RALYL: variants seen among roughly 807,000 people sequenced by gnomAD.
RALYL encodes RNA-binding Raly-like protein.
RALYL carries 29 observed loss-of-function variants against 35.1 expected under a neutral mutation model. The ratio of observed to expected loss-of-function variants is 0.83; its 90% CI spans 0.61 to 1.13. The LOEUF (loss-of-function observed/expected upper bound fraction) is 1.13. Among genes scored for constraint, RALYL ranks in the 50% most tolerant of loss-of-function variants. The pLI, the probability that RALYL is intolerant of heterozygous loss-of-function variation, is 0.00. For missense variants in RALYL, 359 were observed against 360.4 expected (o/e 1.00, Z 0.03); for synonymous variants, 120 against 127.6 (o/e 0.94, Z 0.40).
At chr8:84,882,758 C>G (rs888384264) in intron 7 of RALYL, among the ~76,000 whole-genome samples, 4 of 151,874 alleles carry the variant, frequency 2.6e-5, no homozygotes, top group East Asian at 1.9e-4. Context: ...CACACTCACA[C>G]AATCACATTG....
At position 84,771,232 on chromosome 8, in the gene RALYL, G is replaced by C. The variant is rs558501410; in HGVS notation, c.257-3347G>C. The stretch of plus-strand genomic sequence containing the variant: ...TAATTCATTTTCTCTCTCTCTCTCT[G>C]TCTCTGTCATTTCTCTACTGTTGTA... On this transcript the variant is annotated intron_variant, in intron 2 of 8. Transcript: ENST00000521268. 5.3e-5 allele frequency among the ~76,000 whole-genome samples: 8 copies of C among 151,752 alleles called. No homozygotes were observed. In the South Asian group the frequency reaches 1.7e-3, roughly 32 times the overall value.
chr8:84,528,206 T>A (rs891614972), intron 1 of RALYL, among the ~76,000 whole-genome samples: 2 of 152,182 alleles, frequency 1.3e-5, no homozygotes, highest in African/African-American at 2.4e-5. Context: ...AATTAGCTAA[T>A]GTTCAACAAT....
At chr8:84,410,469 C>T (rs1044857734) in intron 1 of RALYL, among the ~76,000 whole-genome samples, 10 of 151,774 alleles carry the variant, frequency 6.6e-5, no homozygotes, top group Admixed American at 1.3e-4. Context: ...ACATAATAAG[C>T]GTAAGCTTTC....
At chr8:84,270,675 C>G (rs1364099744) in intron 1 of RALYL, among the ~76,000 whole-genome samples, 1 of 151,930 alleles carries the variant, frequency 6.6e-6, no homozygotes, top group Non-Finnish European at 1.5e-5. Context: ...AATATTTATA[C>G]TGCATGTTTT....
At chr8:84,328,969 G>T (rs73293011) in intron 1 of RALYL, among the ~76,000 whole-genome samples, 1 of 152,082 alleles carries the variant, frequency 6.6e-6, no homozygotes. Flanking sequence ...TGTATTCCAC[G>T]GTGTATGTGT....
chr8:84,439,181 G>T (rs2132906155), intron 1 of RALYL, among the ~76,000 whole-genome samples: 1 of 152,068 alleles, frequency 6.6e-6, no homozygotes, highest in Non-Finnish European at 1.5e-5. Context: ...TGGGCAGTAT[G>T]GTTGTTTTAG....
intron 3 of RALYL, among the ~76,000 whole-genome samples, chr8:84,803,385 T>C (rs1026086169): frequency 6.6e-6 from 1 of 152,200 alleles, no homozygotes; most frequent in Non-Finnish European, 1.5e-5. Flanking sequence ...ATAAAGCAAA[T>C]ATATCCAAAC....
chr8:84,529,172 T>A, intron 1 of RALYL, 127 bp from the exon 2 acceptor site: 4 of 882,486 alleles, frequency 4.5e-6, no homozygotes, highest in Admixed American at 2.9e-5. Flanking sequence ...AGAAAATCAT[T>A]AATACTTAGG....
intron 1 of RALYL, among the ~76,000 whole-genome samples, chr8:84,433,058 G>C (rs573736823): frequency 6.6e-6 from 1 of 152,080 alleles, no homozygotes; most frequent in Non-Finnish European, 1.5e-5. Flanking sequence ...GCTCAAAAGC[G>C]ATTGTTCCTA....
intron 4 of RALYL, among the ~76,000 whole-genome samples, chr8:84,833,709 C>T (rs1292473411): frequency 6.6e-6 from 1 of 150,462 alleles, no homozygotes. Flanking sequence ...TTGCAATTGA[C>T]AAAAACACTC....
chr8:84,797,147 T>C (rs760290783), intron 3 of RALYL, among the ~76,000 whole-genome samples: 2 of 152,210 alleles, frequency 1.3e-5, no homozygotes, highest in African/African-American at 2.4e-5. Context: ...TGCATCATAA[T>C]ATGGTGGAAA....
intron 8 of RALYL, among the ~76,000 whole-genome samples, chr8:84,911,062 T>C (rs1314829199): frequency 6.6e-6 from 1 of 152,078 alleles, no homozygotes; most frequent in East Asian, 1.9e-4. Context: ...ATATATTAGA[T>C]TGAAAAATTT....
intron 2 of RALYL, among the ~76,000 whole-genome samples, chr8:84,643,428 G>T (rs1826817858): frequency 6.6e-6 from 1 of 152,044 alleles, no homozygotes; most frequent in Non-Finnish European, 1.5e-5. Flanking sequence ...CACCAGAGAA[G>T]CATTGAAGGC....
At chr8:84,560,418 C>T (rs1214522482) in intron 2 of RALYL, among the ~76,000 whole-genome samples, 4 of 151,944 alleles carry the variant, frequency 2.6e-5, no homozygotes, top group Non-Finnish European at 5.9e-5. Context: ...ATGGGTATTT[C>T]TATAGATACC....
chr8:84,817,078 C>G (rs1323966491), intron 4 of RALYL, among the ~76,000 whole-genome samples: 1 of 152,160 alleles, frequency 6.6e-6, no homozygotes, highest in African/African-American at 2.4e-5. Flanking sequence ...TGCACGGGAT[C>G]TATTCTACTA....
At chr8:84,719,211 C>T (rs1273321868) in intron 2 of RALYL, among the ~76,000 whole-genome samples, 2 of 152,132 alleles carry the variant, frequency 1.3e-5, no homozygotes, top group Admixed American at 6.5e-5. Flanking sequence ...ATTCTATATC[C>T]CCAGCATGGT....
intron 2 of RALYL, among the ~76,000 whole-genome samples, chr8:84,564,207 A>G (rs1323781748): frequency 1.3e-5 from 2 of 151,864 alleles, no homozygotes; most frequent in East Asian, 3.9e-4. Flanking sequence ...ATCTCTTGAC[A>G]TAAGTTTCCT....
At chr8:84,276,445 TTTC>T (rs1835390712) in intron 1 of RALYL, among the ~76,000 whole-genome samples, 1 of 152,204 alleles carries the variant, frequency 6.6e-6, no homozygotes, top group South Asian at 2.1e-4. Flanking sequence ...TACAAAACAT[TTTC>T]TTCTAATTCC....
At chr8:84,543,441 A>G (rs538896512) in intron 2 of RALYL, among the ~76,000 whole-genome samples, 5 of 152,110 alleles carry the variant, frequency 3.3e-5, no homozygotes, top group Admixed American at 1.3e-4. Flanking sequence ...AATCACCACT[A>G]AAGAACTTAT....
Sources: gnomAD v4.1 joint callset for allele counts (sites outside exome capture counted in the v4.1 genomes callset) on GRCh38, gnomAD v4.1.1 for gene constraint, MANE v1.5 for transcripts, NCBI Gene and HGNC (gene_info 2026-07-23, HGNC 2026-07-21) for gene names.